Variants in ACCSL observed in about 807,000 individuals in gnomAD.
ACCSL encodes the protein 1-aminocyclopropane-1-carboxylate synthase homolog (inactive) like, also known as probable inactive 1-aminocyclopropane-1-carboxylate synthase-like protein 2.
In ACCSL, 55 loss-of-function variants were observed where a neutral mutation model predicts 61.7. The ratio of observed to expected loss-of-function variants is 0.89; its 90% CI spans 0.72 to 1.12. The LOEUF is 1.12. ACCSL is among the 50% of genes most tolerant of loss of function. The pLI, the probability that ACCSL is intolerant of heterozygous loss-of-function variation, is 0.00. For missense variants in ACCSL, 632 were observed against 698.0 expected, an observed-to-expected ratio of 0.91 and a Z score of 1.07; for synonymous variants, 258 against 264.3, an observed-to-expected ratio of 0.98 and a Z score of 0.23.
At chr11:43,929,715 T>C in the ACCSL span, among the ~76,000 whole-genome samples, 1 of 152,174 alleles carries the variant, frequency 6.6e-6, no homozygotes, top group African/African-American at 2.4e-5. Flanking sequence ...CCGCTAATTT[T>C]TAAATTTTTT....
chr11:43,940,003 A>T, the ACCSL span, among the ~76,000 whole-genome samples: 2 of 152,158 alleles, frequency 1.3e-5, no homozygotes, highest in African/African-American at 4.8e-5. Flanking sequence ...AAATGTGACC[A>T]TTTCCTACAT....
chr11:44,042,638 TTTGTTTTG>T, the ACCSL span, among the ~76,000 whole-genome samples: 93 of 4,640 alleles, frequency 0.02, no homozygotes, highest in Admixed American at 0.076. Flanking sequence ...TTTTTTTTTG[TTTGTTTTG>T]TTTGTTTTTT....
At chr11:44,029,189 G>C in the ACCSL span, among the ~76,000 whole-genome samples, 1 of 152,226 alleles carries the variant, frequency 6.6e-6, no homozygotes, top group Non-Finnish European at 1.5e-5. Context: ...AAGGCTTCTG[G>C]CCTCTCTAGG....
chr11:43,998,094 G>A, the ACCSL span, among the ~76,000 whole-genome samples: 3 of 152,140 alleles, frequency 2.0e-5, no homozygotes, highest in East Asian at 1.9e-4. Context: ...TAACCGTTTC[G>A]GTCTCAAATT....
chr11:44,012,932 T>C, the ACCSL span, among the ~76,000 whole-genome samples: 5 of 152,196 alleles, frequency 3.3e-5, no homozygotes, highest in African/African-American at 1.2e-4. Context: ...GTTAACCTCC[T>C]CTCAACAACA....
At chr11:43,986,984 T>C in the ACCSL span, among the ~76,000 whole-genome samples, 1 of 152,176 alleles carries the variant, frequency 6.6e-6, no homozygotes, top group Non-Finnish European at 1.5e-5. Flanking sequence ...TCCAGGACTC[T>C]GGAAAGTAAG....
chr11:43,957,909 G>A, the ACCSL span, among the ~76,000 whole-genome samples: 8 of 151,608 alleles, frequency 5.3e-5, no homozygotes, highest in African/African-American at 1.5e-4. Context: ...TTGGTCAAGC[G>A]GGGGGTCCAG....
chr11:43,971,527 G>A, the ACCSL span: 7,490 of 152,272 alleles, frequency 0.049, 514 homozygotes, highest in Admixed American at 0.19. Context: ...TTTGAAACCA[G>A]GTCTGTCTGC....
At chr11:43,943,378 C>T in the ACCSL span, 4 of 1,401,102 alleles carry the variant, frequency 2.9e-6, no homozygotes, top group Non-Finnish European at 3.7e-6. This position sits in a 1 kb window ranked among gnomAD's most constrained non-coding sequence, Gnocchi z 4.8. Flanking sequence ...CCCGCAAGGA[C>T]CCGGGACCGC....
the ACCSL span, among the ~76,000 whole-genome samples, chr11:43,979,377 C>G: frequency 1.3e-5 from 2 of 152,030 alleles, no homozygotes; most frequent in Non-Finnish European, 2.9e-5. Context: ...GAATTTACAT[C>G]AAAGCTTGAT....
the ACCSL span, among the ~76,000 whole-genome samples, chr11:44,017,480 G>A: frequency 6.6e-6 from 1 of 152,194 alleles, no homozygotes; most frequent in African/African-American, 2.4e-5. Context: ...CAGGTCTGCA[G>A]GAACAGGCAA....
the ACCSL span, among the ~76,000 whole-genome samples, chr11:44,000,725 A>AAAAGGAAGAAAGAAAG: frequency 6.8e-6 from 1 of 146,702 alleles, no homozygotes; most frequent in Non-Finnish European, 1.5e-5. Flanking sequence ...TCTGCCTCAA[A>AAAAGGAAGAAAGAAAG]AAAGAAAGAA....
the ACCSL span, chr11:43,943,149 C>A: frequency 6.7e-7 from 1 of 1,501,854 alleles, no homozygotes. This position sits in a 1 kb window ranked among gnomAD's most constrained non-coding sequence, Gnocchi z 4.8. Context: ...GCCAAGAAGT[C>A]GTTCCTGCAG....
At chr11:43,939,345 G>A in the ACCSL span, among the ~76,000 whole-genome samples, 1 of 152,152 alleles carries the variant, frequency 6.6e-6, no homozygotes, top group South Asian at 2.1e-4. Context: ...TTTTATACAT[G>A]GCAGTTTCCC....
the ACCSL span, among the ~76,000 whole-genome samples, chr11:44,008,606 A>G: frequency 6.6e-6 from 1 of 152,264 alleles, no homozygotes; most frequent in East Asian, 1.9e-4. Flanking sequence ...ACCGCGAAGC[A>G]TAGTCTTTCT....
chr11:43,989,144 C>T, the ACCSL span, among the ~76,000 whole-genome samples: 125 of 152,318 alleles, frequency 8.2e-4, no homozygotes, highest in East Asian at 2.5e-3. Flanking sequence ...GTGGCCAGGC[C>T]TCAAGCTGCT....
the ACCSL span, among the ~76,000 whole-genome samples, chr11:43,978,785 T>TTTG: frequency 5.0e-5 from 1 of 19,978 alleles, no homozygotes; most frequent in Non-Finnish European, 1.0e-4. Context: ...GAAGGTGGGT[T>TTTG]TTTTTTTTTT....
the ACCSL span, among the ~76,000 whole-genome samples, chr11:43,936,737 A>G: frequency 2.6e-5 from 4 of 152,102 alleles, no homozygotes; most frequent in African/African-American, 9.7e-5. Context: ...GAGAAGGCAT[A>G]AAAAGGCAAC....
At chr11:44,055,950 C>T in intron 9 of ACCSL, 90 bp from the exon 10 acceptor site, 3 of 1,497,556 alleles carry the variant, frequency 2.0e-6, no homozygotes, top group Non-Finnish European at 2.8e-6. Flanking sequence ...TGTCTAGGAC[C>T]AACCTCAAAT....
Sources: allele counts gnomAD v4.1 joint callset (sites outside exome capture counted in the v4.1 genomes callset), GRCh38; gene constraint gnomAD v4.1.1; non-coding constraint Gnocchi (gnomAD v3.1); transcripts MANE v1.5; gene names NCBI Gene and HGNC (gene_info 2026-07-23, HGNC 2026-07-21).